The following DYSF variants were observed in gnomAD, a reference collection of about 807,000 sequenced individuals.
DYSF encodes dystrophy-associated fer-1-like 1.
Under a neutral mutation model 274.9 loss-of-function variants are expected in DYSF, and 212 were observed. The observed-to-expected ratio is 0.77, with a 90% CI of 0.69 to 0.86. The LOEUF (loss-of-function observed/expected upper bound fraction) is 0.86, where lower values mean the gene tolerates loss of function less well. DYSF is among the 40% of genes least tolerant of loss of function. The pLI, the probability that DYSF is intolerant of heterozygous loss-of-function variation, is 0.00. For missense variants in DYSF, 2,666 were observed against 2,783.2 expected, an observed-to-expected ratio of 0.96 and a Z score of 0.95; for synonymous variants, 1,091 against 1,078.7, an observed-to-expected ratio of 1.01 and a Z score of -0.22.
At chr2:71,665,327 A>G in intron 47 of DYSF, 23 bp downstream of exon 47, 4 of 1,613,744 alleles carry the variant, frequency 2.5e-6, no homozygotes, top group Non-Finnish European at 3.4e-6. Flanking sequence ...ATGACCCCAA[A>G]CCATGGTGGG....
chr2:71,596,698 C>A (rs1044504696), intron 32 of DYSF, among the ~76,000 whole-genome samples: 1 of 152,212 alleles, frequency 6.6e-6, no homozygotes, highest in African/African-American at 2.4e-5. Flanking sequence ...CCTTCCCCTG[C>A]CAAGGGCCTC....
Position 71,685,513 on chromosome 2 carries a change from C to T in DYSF, c.6322-941C>T, listed in dbSNP as rs2095346611. ...AGGGCCGGGCCCTGGTGACCCTCACCTGGCTTTCAGGCCATGGGACAGAGG... is the reference window on the plus strand; with the variant it reads ...AGGGCCGGGCCCTGGTGACCCTCACTTGGCTTTCAGGCCATGGGACAGAGG... On this transcript the variant is annotated intron_variant, in intron 55 of 55. Transcript: ENST00000410020. 5.3e-5 allele frequency among the ~76,000 whole-genome samples: 8 copies of T among 152,362 alleles called. No individual in the cohort carries two copies. The South Asian group carries it at 1.7e-3, about 32-fold the overall frequency.
chr2:71,676,909 T>C (rs1302143600), intron 52 of DYSF, among the ~76,000 whole-genome samples: 1 of 143,722 alleles, frequency 7.0e-6, no homozygotes, highest in Non-Finnish European at 1.5e-5. Flanking sequence ...ATGTAGATCA[T>C]GCTGAGATAA....
chr2:71,527,561 C>A (rs1396030935), intron 13 of DYSF, among the ~76,000 whole-genome samples: 1 of 149,106 alleles, frequency 6.7e-6, no homozygotes. Context: ...GGTGAAAGAG[C>A]TTTGTGTTGA....
intron 14 of DYSF, among the ~76,000 whole-genome samples, chr2:71,529,724 T>G (rs2088434040): frequency 6.6e-6 from 1 of 152,254 alleles, no homozygotes; most frequent in South Asian, 2.1e-4. Flanking sequence ...CTACCTCTTA[T>G]CTAATGGTCT....
intron 16 of DYSF, among the ~76,000 whole-genome samples, chr2:71,536,616 C>T (rs987370756): frequency 2.0e-5 from 3 of 152,312 alleles, no homozygotes; most frequent in African/African-American, 4.8e-5. Flanking sequence ...GTGTCTGGCC[C>T]GAGTCCGGGT....
chr2:71,611,929 T>C lies in DYSF; in HGVS notation c.4221+303T>C, dbSNP rs76000919. Among the ~76,000 whole-genome samples the C allele has an allele frequency of 0.011, 1,697 of 152,116 alleles. 30 individuals carry two copies. Among genetic ancestry groups the C allele is most frequent in the African/African-American group, 0.039 (1,636 of 41,506 alleles). ...CAGGTTTCAGTCCCCTGGAGCGCCC[T>C]TGGGGACCTGCTAGGGCTTGGCTTT... is the stretch of plus-strand genomic sequence containing the variant. On this transcript the variant is annotated intron_variant, in intron 38 of 55. Transcript: ENST00000410020.
intron 3 of DYSF, among the ~76,000 whole-genome samples, chr2:71,492,704 C>G (rs575726436): frequency 1.3e-4 from 18 of 139,218 alleles, no homozygotes; most frequent in South Asian, 7.8e-4. Context: ...TTCCTCCCCC[C>G]CCCCCTTTTC....
chr2:71,506,974 T>G (rs1468944139), intron 4 of DYSF, among the ~76,000 whole-genome samples: 3 of 152,016 alleles, frequency 2.0e-5, no homozygotes, highest in Admixed American at 2.0e-4. Flanking sequence ...TTCAGGAGGT[T>G]GGTGTGGAGC....
At chr2:71,645,285 T>C (rs781708074) in intron 42 of DYSF, among the ~76,000 whole-genome samples, 4 of 152,038 alleles carry the variant, frequency 2.6e-5, no homozygotes, top group African/African-American at 4.8e-5. Flanking sequence ...TCTCAGCAGA[T>C]TGGGGAGCCA....
At chr2:71,586,952 C>G (rs930214825) in intron 30 of DYSF, among the ~76,000 whole-genome samples, 4 of 152,196 alleles carry the variant, frequency 2.6e-5, no homozygotes, top group African/African-American at 9.7e-5. Context: ...CTCCCTACTC[C>G]CACTGCTCCC....
rs547658602 is a variant in DYSF at position 71,612,563 on chromosome 2, A to G, written c.4222-78A>G. 30 of 1,588,008 alleles carry G rather than the reference A, an allele frequency of 1.9e-5. No homozygotes were observed. In the African/African-American group the frequency reaches 3.5e-4, roughly 18 times the overall value. ...TGGGGATTATCTGCGGTTTATAGTC[A>G]TTTTCTGCTCTTTGGGCTTGACCTG... On this transcript the variant is annotated intron_variant, in intron 38 of 55. Coordinates refer to ENST00000410020, the MANE Select transcript of DYSF (RefSeq NM_001130987.2).
chr2:71,477,638 A>G (rs1474506942), intron 1 of DYSF, among the ~76,000 whole-genome samples: 1 of 152,234 alleles, frequency 6.6e-6, no homozygotes, highest in Non-Finnish European at 1.5e-5. Flanking sequence ...CTGAACAAAA[A>G]TTTTCCAAAT....
At chr2:71,485,768 T>A (rs889690865) in intron 3 of DYSF, among the ~76,000 whole-genome samples, 1 of 152,130 alleles carries the variant, frequency 6.6e-6, no homozygotes, top group Non-Finnish European at 1.5e-5. Flanking sequence ...CATTTTAAAT[T>A]TTGAAAGAAA....
chr2:71,488,790 G>A (rs994384904), intron 3 of DYSF, among the ~76,000 whole-genome samples: 1 of 152,062 alleles, frequency 6.6e-6, no homozygotes, highest in Non-Finnish European at 1.5e-5. Flanking sequence ...ATCTTTTAGC[G>A]ACCTGGTGAC....
In DYSF at chr2:71,600,782, G is replaced by A. The variant is rs780431455; in HGVS notation, c.3837G>A (p.Thr1279=). The part of the protein sequence containing the change: ...RMPRLAWFPL[T]RGSQPSGELL... Reference sequence around the variant, plus strand: ...CACGGCTGGCCTGGTTCCCACTGACGAGGGGCAGCCAGCCGTCGGGGGAGC... The same window carrying A: ...CACGGCTGGCCTGGTTCCCACTGACAAGGGGCAGCCAGCCGTCGGGGGAGC... Residue 1279 remains threonine, a synonymous_variant, in exon 34 of 56, where the codon ACG becomes ACA. Transcript: ENST00000410020. 9 of 1,613,378 alleles carry A rather than the reference G, an allele frequency of 5.6e-6. No homozygotes were observed. Among genetic ancestry groups the A allele is most frequent in the Middle Eastern group, 1.6e-4 (1 of 6,062 alleles).
At chr2:71,546,450 GACCTGACACTA>G (rs945658282) in intron 17 of DYSF, among the ~76,000 whole-genome samples, 2 of 152,240 alleles carry the variant, frequency 1.3e-5, no homozygotes, top group Non-Finnish European at 2.9e-5. Flanking sequence ...GTGAGGGCAA[GACCTGACACTA>G]ACCTTTTAAA....
intron 16 of DYSF, 106 bp downstream of exon 16, chr2:71,535,417 G>A: frequency 8.1e-7 from 1 of 1,227,230 alleles, no homozygotes; most frequent in Non-Finnish European, 1.2e-6. Flanking sequence ...TGAGGGAGAA[G>A]TTTCAGGTGA....
intron 42 of DYSF, among the ~76,000 whole-genome samples, chr2:71,652,789 C>T (rs559431218): frequency 1.3e-5 from 2 of 152,188 alleles, no homozygotes; most frequent in Admixed American, 6.5e-5. Context: ...GGTGAAAAAA[C>T]GCACAGATCA....
Sources: gnomAD v4.1 joint callset for allele counts (sites outside exome capture counted in the v4.1 genomes callset) on GRCh38, gnomAD v4.1.1 for gene constraint, MANE v1.5 for transcripts, NCBI Gene and HGNC (gene_info 2026-07-23, HGNC 2026-07-21) for gene names.